The following PRKN variants were observed in gnomAD, a reference collection of about 807,000 sequenced individuals.
PRKN encodes the protein E3 ubiquitin-protein ligase parkin.
In PRKN, 56 loss-of-function variants were observed where a neutral mutation model predicts 59.5. That is an observed-to-expected ratio of 0.94 (90% confidence interval 0.76 to 1.18). The LOEUF (loss-of-function observed/expected upper bound fraction) is 1.18. Ranked by LOEUF, PRKN falls within the 50% of genes most tolerant of loss-of-function variation. PRKN has a pLI of 0.00. For missense variants in PRKN, 657 were observed against 596.4 expected (o/e 1.10, Z -1.06); for synonymous variants, 250 against 222.1 (o/e 1.13, Z -1.12).
At chr6:161,590,949 G>C (rs1415993899) in intron 7 of PRKN, among the ~76,000 whole-genome samples, 1 of 152,102 alleles carries the variant, frequency 6.6e-6, no homozygotes, top group Non-Finnish European at 1.5e-5. Flanking sequence ...TTACTATTAG[G>C]TATGTACTGA....
At chr6:161,896,940 G>A (rs1777650591) in intron 6 of PRKN, among the ~76,000 whole-genome samples, 2 of 152,214 alleles carry the variant, frequency 1.3e-5, no homozygotes, top group Non-Finnish European at 2.9e-5. Flanking sequence ...GCACAGTCAC[G>A]TACAGCACAT....
intron 4 of PRKN, among the ~76,000 whole-genome samples, chr6:162,105,271 G>A (rs1780143687): frequency 6.6e-6 from 1 of 152,152 alleles, no homozygotes; most frequent in Non-Finnish European, 1.5e-5. Context: ...TTTTAGAAGA[G>A]CAGTGCCTTC....
At chr6:162,479,273 T>C (rs1206351555) in intron 1 of PRKN, among the ~76,000 whole-genome samples, 1 of 152,002 alleles carries the variant, frequency 6.6e-6, no homozygotes, top group Non-Finnish European at 1.5e-5. Context: ...TTGCCCGGGT[T>C]GGAGTGCGGT....
At chr6:162,438,996 GC>G (rs1789918157) in intron 2 of PRKN, among the ~76,000 whole-genome samples, 2 of 151,978 alleles carry the variant, frequency 1.3e-5, no homozygotes, top group Admixed American at 1.3e-4. Context: ...CCTTTTCTTT[GC>G]CATTTGGACC....
At chr6:162,136,395 A>G (rs1429974536) in intron 4 of PRKN, among the ~76,000 whole-genome samples, 3 of 152,172 alleles carry the variant, frequency 2.0e-5, no homozygotes, top group Non-Finnish European at 4.4e-5. Context: ...CAGCCCAAGT[A>G]AGCCTTAGGT....
At chr6:162,588,199 C>T (rs1433737220) in intron 1 of PRKN, among the ~76,000 whole-genome samples, 1 of 151,726 alleles carries the variant, frequency 6.6e-6, no homozygotes, top group East Asian at 1.9e-4. Context: ...TTAGTAAAGA[C>T]AGGGTTTCAC....
intron 7 of PRKN, among the ~76,000 whole-genome samples, chr6:161,748,520 T>C (rs1788534027): frequency 6.6e-6 from 1 of 152,102 alleles, no homozygotes; most frequent in Non-Finnish European, 1.5e-5. Flanking sequence ...CCTCCTTCTA[T>C]AGGGTCTGGT....
chr6:162,206,743 T>G (rs953801735), intron 3 of PRKN, among the ~76,000 whole-genome samples: 1 of 152,108 alleles, frequency 6.6e-6, no homozygotes, highest in Non-Finnish European at 1.5e-5. Context: ...GCACAGAACC[T>G]TCTTCCTCAT....
At position 162,148,295 on chromosome 6, in the gene PRKN, T is replaced by C. The variant is rs78637903; in HGVS notation, c.534+52836A>G. Among the ~76,000 whole-genome samples, 1,143 of 152,260 alleles carry C rather than the reference T, an allele frequency of 7.5e-3. 10 individuals carry two copies. The highest frequency in any genetic ancestry group is 0.013 in the Non-Finnish European group (858 of 68,030). On this transcript the variant is annotated intron_variant, in intron 4 of 11. Transcript: ENST00000366898. ...CCACCTTTTAAACAGAGTTATCTGA[T>C]GAGTTTGACCCTCGTGATTCAGCTC...
chr6:162,440,213 A>G (rs2128166428), intron 2 of PRKN, among the ~76,000 whole-genome samples: 1 of 152,322 alleles, frequency 6.6e-6, no homozygotes, highest in Non-Finnish European at 1.5e-5. Context: ...CTATACTCTA[A>G]CAGTGCTTCT....
At chr6:161,421,166 G>A (rs894395037) in intron 9 of PRKN, among the ~76,000 whole-genome samples, 1 of 152,062 alleles carries the variant, frequency 6.6e-6, no homozygotes, top group African/African-American at 2.4e-5. Flanking sequence ...GGCACTCGAG[G>A]GCCCATACCC....
At chr6:162,200,212 G>A (rs955892333) in intron 4 of PRKN, among the ~76,000 whole-genome samples, 1 of 152,058 alleles carries the variant, frequency 6.6e-6, no homozygotes, top group African/African-American at 2.4e-5. Context: ...TCTCTCCACC[G>A]CGGGGACTGG....
intron 6 of PRKN, among the ~76,000 whole-genome samples, chr6:161,968,145 C>T (rs1282377401): frequency 4.0e-5 from 6 of 151,506 alleles, no homozygotes; most frequent in Non-Finnish European, 8.8e-5. Flanking sequence ...CTCAGCCTCC[C>T]GAGTAGCTGG....
intron 7 of PRKN, among the ~76,000 whole-genome samples, chr6:161,669,598 T>TC (rs1784838361): frequency 1.3e-5 from 2 of 152,240 alleles, no homozygotes; most frequent in Non-Finnish European, 2.9e-5. Flanking sequence ...ATGTAACCTG[T>TC]CTTACCACAC....
chr6:162,489,119 G>A (rs1200367081), intron 1 of PRKN, among the ~76,000 whole-genome samples: 1 of 151,264 alleles, frequency 6.6e-6, no homozygotes, highest in Non-Finnish European at 1.5e-5. Context: ...TTCCTAAATT[G>A]TAAATGTCAC....
At chr6:162,196,264 A>C (rs1012046316) in intron 4 of PRKN, among the ~76,000 whole-genome samples, 1 of 152,170 alleles carries the variant, frequency 6.6e-6, no homozygotes, top group Non-Finnish European at 1.5e-5. Context: ...AATTAACCTT[A>C]CCAGCCCAGT....
intron 7 of PRKN, among the ~76,000 whole-genome samples, chr6:161,602,104 TTATCTATCTATCTATC>T (rs75473524): frequency 6.0e-5 from 9 of 150,536 alleles, no homozygotes; most frequent in Admixed American, 3.3e-4. Flanking sequence ...TTAGGGGAGA[TTATCTATCTATCTATC>T]TATCTATCTA....
At chr6:162,452,729 C>G (rs545461097) in intron 1 of PRKN, among the ~76,000 whole-genome samples, 3 of 152,032 alleles carry the variant, frequency 2.0e-5, no homozygotes, top group Admixed American at 1.3e-4. Context: ...AAACTGGTGA[C>G]CAGAACTCAC....
In PRKN at chr6:161,752,406, G is replaced by A. The variant is rs763390025; in HGVS notation, c.871+33366C>T. 7.6e-4 allele frequency among the ~76,000 whole-genome samples: 116 copies of A among 152,066 alleles called. 9 individuals carry two copies. The highest frequency in any genetic ancestry group is 1.9e-4 in the Non-Finnish European group (13 of 67,964). On this transcript the variant is annotated intron_variant, in intron 7 of 11. Coordinates refer to ENST00000366898, the MANE Select transcript of PRKN (RefSeq NM_004562.3). ...ACAAAACAAAACAAACAAAAAACTC[G>A]CTCAAGGTTGGGTGCAGCAGCTCAT...
Sources: gnomAD v4.1 joint callset for allele counts (sites outside exome capture counted in the v4.1 genomes callset) on GRCh38, gnomAD v4.1.1 for gene constraint, MANE v1.5 for transcripts, NCBI Gene and HGNC (gene_info 2026-07-23, HGNC 2026-07-21) for gene names.